Variants in SYTL3 observed in about 807,000 individuals in gnomAD.
SYTL3 encodes the protein synaptotagmin like 3.
SYTL3 carries 88 observed loss-of-function variants against 82.1 expected under a neutral mutation model. The ratio of observed to expected loss-of-function variants is 1.07; its 90% CI spans 0.90 to 1.28. The LOEUF is 1.28. Ranked by LOEUF, SYTL3 falls within the 50% of genes most tolerant of loss-of-function variation. The pLI is 0.00. For missense variants in SYTL3, 831 were observed against 757.6 expected, an observed-to-expected ratio of 1.10 and a Z score of -1.14; for synonymous variants, 311 against 289.4, an observed-to-expected ratio of 1.07 and a Z score of -0.76.
intron 2 of SYTL3, among the ~76,000 whole-genome samples, chr6:158,660,030 T>C (rs1789174915): frequency 1.3e-5 from 2 of 151,688 alleles, no homozygotes; most frequent in South Asian, 4.2e-4. Flanking sequence ...ATCCCAACAC[T>C]TTGGGACGCC....
At chr6:158,649,796 G>A (rs969609688), upstream of SYTL3, among the ~76,000 whole-genome samples, 4 of 152,318 alleles carry the variant, frequency 2.6e-5, no homozygotes, top group Middle Eastern at 3.4e-3. Context: ...TAGGAAGGGT[G>A]AAACATTTCA....
chr6:158,709,350 C>G (rs1782498967), intron 8 of SYTL3, among the ~76,000 whole-genome samples: 5 of 152,150 alleles, frequency 3.3e-5, no homozygotes. Flanking sequence ...TCATTTAATG[C>G]AGAGCCTATT....
At chr6:158,712,475 T>C (rs1782864801) in intron 8 of SYTL3, among the ~76,000 whole-genome samples, 1 of 152,138 alleles carries the variant, frequency 6.6e-6, no homozygotes, top group Non-Finnish European at 1.5e-5. Context: ...ACCCATAGGC[T>C]CTCCTTAAGT....
chr6:158,703,414 T>G (rs1314003653), intron 6 of SYTL3, among the ~76,000 whole-genome samples: 1 of 152,088 alleles, frequency 6.6e-6, no homozygotes, highest in Non-Finnish European at 1.5e-5. Flanking sequence ...AACACCTGCC[T>G]CTCGAGGGAT....
chr6:158,763,372 C>T lies in SYTL3; in HGVS notation c.1586C>T (p.Pro529Leu), dbSNP rs1790268222. The T allele has an allele frequency of 6.2e-7, 1 of 1,614,222 alleles. No individual in the cohort carries two copies. The highest frequency in any genetic ancestry group is 8.5e-7 in the Non-Finnish European group (1 of 1,180,040). ...KSPVLRKQAC[P>L]QWKHSFVFSG... The stretch of plus-strand genomic sequence containing the variant: ...CCAGTCCTGAGGAAGCAGGCTTGCC[C>T]CCAGTGGAAACACTCATTTGTCTTC... The change falls in exon 17 of 18, where the codon CCC becomes CTC. Residue 529 changes from proline to leucine, a missense_variant. Transcript: ENST00000611299.
At chr6:158,681,058 A>C (rs1038766331) in intron 5 of SYTL3, among the ~76,000 whole-genome samples, 4 of 152,222 alleles carry the variant, frequency 2.6e-5, no homozygotes, top group African/African-American at 9.6e-5. Context: ...TATTTCAGTC[A>C]ATACTGTAAT....
chr6:158,660,094 G>A (rs1298622935), intron 2 of SYTL3, among the ~76,000 whole-genome samples: 1 of 151,666 alleles, frequency 6.6e-6, no homozygotes, highest in Non-Finnish European at 1.5e-5. Context: ...GTGAAACCCC[G>A]TCTCTACTAA....
At chr6:158,688,815 T>C in intron 6 of SYTL3, among the ~76,000 whole-genome samples, 1 of 152,224 alleles carries the variant, frequency 6.6e-6, no homozygotes, top group East Asian at 1.9e-4. Context: ...ATAGACTTTT[T>C]TGAAGTATTT....
chr6:158,733,741 A>G (rs530386007), intron 11 of SYTL3, among the ~76,000 whole-genome samples: 199 of 152,250 alleles, frequency 1.3e-3, no homozygotes, highest in African/African-American at 4.6e-3. Context: ...CAAGCTGTGT[A>G]AAGGATAAAA....
chr6:158,670,784 G>GA (rs1182062428), intron 5 of SYTL3, among the ~76,000 whole-genome samples: 4 of 148,686 alleles, frequency 2.7e-5, no homozygotes, highest in Non-Finnish European at 4.5e-5. Context: ...TCAAAAAAAA[G>GA]AAAAAAAAGA....
chr6:158,647,961 G>A (rs1378396473), upstream of SYTL3, among the ~76,000 whole-genome samples: 1 of 152,204 alleles, frequency 6.6e-6, no homozygotes, highest in East Asian at 1.9e-4. Context: ...AATAATCATA[G>A]CAATCAATGA....
intron 12 of SYTL3, among the ~76,000 whole-genome samples, chr6:158,746,356 A>C (rs1253640040): frequency 6.6e-6 from 1 of 151,868 alleles, no homozygotes; most frequent in Non-Finnish European, 1.5e-5. Context: ...CAGGAAATAC[A>C]AAATTAAAAT....
At chr6:158,702,345 A>ATT (rs1410437941) in intron 6 of SYTL3, among the ~76,000 whole-genome samples, 1 of 148,814 alleles carries the variant, frequency 6.7e-6, no homozygotes, top group Admixed American at 6.7e-5. Flanking sequence ...AAAAAAAAAA[A>ATT]ATTTTTTTTT....
In SYTL3 at chr6:158,708,374, A is replaced by G; in HGVS notation, c.499A>G (p.Ser167Gly). The G allele has an allele frequency of 6.2e-7, 1 of 1,614,138 alleles. No homozygotes were observed. Among genetic ancestry groups the G allele is most frequent in the Non-Finnish European group, 8.5e-7 (1 of 1,180,012 alleles). ...TPPPVSESQC[S>G]RSPGRLQEFG... The stretch of plus-strand genomic sequence containing the variant: ...ACCTCCTGTCAGCGAGAGCCAGTGC[A>G]GCCGCAGTCCTGGCAGGGTAACGTA... The change falls in exon 8 of 18, where the codon AGC becomes GGC. Residue 167 changes from serine to glycine, a missense_variant. Physicochemically the swap from Ser to Gly is moderately conservative, Grantham distance 56. Coordinates refer to ENST00000611299, the MANE Select transcript of SYTL3 (RefSeq NM_001242394.2).
chr6:158,672,820 G>C (rs1353772925), intron 5 of SYTL3, among the ~76,000 whole-genome samples: 1 of 151,922 alleles, frequency 6.6e-6, no homozygotes, highest in Non-Finnish European at 1.5e-5. Flanking sequence ...TTTTTGTAGA[G>C]ATAGGGGTTT....
intron 6 of SYTL3, among the ~76,000 whole-genome samples, chr6:158,689,679 A>G (rs1779660604): frequency 6.7e-6 from 1 of 150,214 alleles, no homozygotes; most frequent in Non-Finnish European, 1.5e-5. Flanking sequence ...CTTGAGACAG[A>G]GTCTCACTCT....
chr6:158,745,762 CA>C (rs1787555714), intron 12 of SYTL3, 104 bp downstream of exon 12: 1 of 773,980 alleles, frequency 1.3e-6, no homozygotes, highest in African/African-American at 2.0e-5. Flanking sequence ...AAAAAAAAAA[CA>C]AAATGAAAAG....
chr6:158,703,131 G>A (rs1049247987), intron 6 of SYTL3, among the ~76,000 whole-genome samples: 1 of 144,760 alleles, frequency 6.9e-6, no homozygotes, highest in Non-Finnish European at 1.5e-5. Context: ...TCCAGCCTGG[G>A]CGACAGAGCA....
At chr6:158,743,479 C>CAT (rs1787192323) in intron 11 of SYTL3, among the ~76,000 whole-genome samples, 2 of 142,276 alleles carry the variant, frequency 1.4e-5, no homozygotes, top group Non-Finnish European at 3.2e-5. Context: ...TTAGCTTCTC[C>CAT]GTTCATCTAC....
Sources: allele counts gnomAD v4.1 joint callset (sites outside exome capture counted in the v4.1 genomes callset), GRCh38; gene constraint gnomAD v4.1.1; transcripts MANE v1.5; gene names NCBI Gene and HGNC (gene_info 2026-07-23, HGNC 2026-07-21).